SOS2: variants seen among roughly 807,000 people sequenced by gnomAD.
SOS2 encodes son of sevenless homolog 2.
In SOS2, 65 loss-of-function variants were observed where a neutral mutation model predicts 148.2. The observed-to-expected ratio is 0.44, with a 90% CI of 0.36 to 0.54. The LOEUF (loss-of-function observed/expected upper bound fraction) is 0.54, where lower values mean the gene tolerates loss of function less well. Ranked by LOEUF, SOS2 falls within the 20% of genes least tolerant of loss-of-function variation. SOS2 has a pLI of 0.00. For missense variants in SOS2, 1,341 were observed against 1,590.2 expected (o/e 0.84, Z 2.67); for synonymous variants, 539 against 537.1 (o/e 1.00, Z -0.05).
intron 17 of SOS2, 98 bp from the exon 18 acceptor site, chr14:50,138,882 A>T: frequency 2.0e-6 from 1 of 488,672 alleles, no homozygotes; most frequent in South Asian, 3.9e-5. Flanking sequence ...AAGTTGAAAG[A>T]CATCCTATAC....
rs375347968 is a variant in SOS2 at position 50,226,082 on chromosome 14, T to C, written c.87+5115A>G. On this transcript the variant is annotated intron_variant, in intron 1 of 22. Transcript: ENST00000216373. ...TGTTTACTTCCTTATTGTCTGTCTC[T>C]CTGCCACAGCCACTTAGAACACAAG... is the stretch of plus-strand genomic sequence containing the variant. Among the ~76,000 whole-genome samples, 13 of 151,850 alleles carry C rather than the reference T, an allele frequency of 8.6e-5. No homozygotes were observed. The East Asian group carries it at 1.6e-3, about 18-fold the overall frequency.
At chr14:50,222,646 T>C (rs964998042) in intron 1 of SOS2, among the ~76,000 whole-genome samples, 1 of 152,128 alleles carries the variant, frequency 6.6e-6, no homozygotes, top group African/African-American at 2.4e-5. Context: ...ATTCAGCAAG[T>C]ACAAAAGTCC....
chr14:50,135,336 T>G (rs989752926), intron 18 of SOS2, among the ~76,000 whole-genome samples: 1 of 151,266 alleles, frequency 6.6e-6, no homozygotes, highest in Non-Finnish European at 1.5e-5. Flanking sequence ...AATTTTTGTC[T>G]TTATCAAAAA....
intron 7 of SOS2, among the ~76,000 whole-genome samples, chr14:50,179,360 T>C (rs1184861030): frequency 6.6e-6 from 1 of 152,078 alleles, no homozygotes; most frequent in Non-Finnish European, 1.5e-5. Context: ...TATTCAAACG[T>C]CAAGGGGTAA....
chr14:50,178,353 C>T (rs1316420161), intron 7 of SOS2, among the ~76,000 whole-genome samples: 3 of 152,252 alleles, frequency 2.0e-5, no homozygotes, highest in East Asian at 1.9e-4. Context: ...TTTTGGCTTC[C>T]GCCATGATCG....
intron 9 of SOS2, among the ~76,000 whole-genome samples, chr14:50,161,106 G>A (rs1206759549): frequency 4.0e-5 from 6 of 151,856 alleles, no homozygotes; most frequent in East Asian, 3.9e-4. Context: ...CAGTCTGGCC[G>A]ACGCGGTAAA....
At chr14:50,182,421 T>A in intron 6 of SOS2, 42 bp downstream of exon 6, 1 of 1,582,454 alleles carries the variant, frequency 6.3e-7, no homozygotes, top group Non-Finnish European at 8.7e-7. Flanking sequence ...TACTACAGCA[T>A]TTAGGGCTTT....
At chr14:50,206,497 T>C (rs370618140) in intron 1 of SOS2, among the ~76,000 whole-genome samples, 84 of 152,342 alleles carry the variant, frequency 5.5e-4, no homozygotes, top group African/African-American at 1.9e-3. Context: ...GTAAATGCTA[T>C]GTAATAGTGG....
At chr14:50,205,457 C>T (rs1014649228) in intron 1 of SOS2, among the ~76,000 whole-genome samples, 11 of 152,098 alleles carry the variant, frequency 7.2e-5, no homozygotes, top group Admixed American at 3.3e-4. Flanking sequence ...TTAAAACCCT[C>T]CCCACAAAAA....
intron 5 of SOS2, among the ~76,000 whole-genome samples, chr14:50,186,367 A>G (rs1039111480): frequency 1.1e-4 from 17 of 152,320 alleles, no homozygotes; most frequent in Admixed American, 1.0e-3. Flanking sequence ...GACAAAGATA[A>G]TATTAGCTGC....
At chr14:50,149,982 G>A in intron 14 of SOS2, 26 bp downstream of exon 14, 2 of 1,439,972 alleles carry the variant, frequency 1.4e-6, no homozygotes, top group South Asian at 1.1e-5. Flanking sequence ...TAAAAATAAA[G>A]CAAGACATTA....
Position 50,207,575 on chromosome 14 carries a change from A to G in SOS2, c.88-3166T>C, listed in dbSNP as rs557431826. On this transcript the variant is annotated intron_variant, in intron 1 of 22. Coordinates refer to ENST00000216373, the MANE Select transcript of SOS2 (RefSeq NM_006939.4). ...TCCAGAAAAAAAAAAAAGCCTAAGT[A>G]AAGTGTCACCTAACTAAATTCCATA... Among the ~76,000 whole-genome samples, 4 of 151,710 alleles carry G rather than the reference A, an allele frequency of 2.6e-5. No individual in the cohort carries two copies. In the East Asian group the frequency reaches 7.8e-4, roughly 29 times the overall value.
intron 7 of SOS2, among the ~76,000 whole-genome samples, chr14:50,175,309 T>C (rs183851614): frequency 0.021 from 3,164 of 151,974 alleles, 73 homozygotes; most frequent in Non-Finnish European, 0.026. Flanking sequence ...CAGATAGATA[T>C]GACATAACAT....
chr14:50,125,358 C>T (rs2018832), intron 21 of SOS2, among the ~76,000 whole-genome samples: 132,541 of 152,194 alleles, frequency 0.87, 57,811 homozygotes, highest in East Asian at 0.92. Flanking sequence ...GCCAACATCT[C>T]GATTTTGGAT....
At chr14:50,174,678 T>A in intron 7 of SOS2, 126 bp from the exon 8 acceptor site, 1 of 465,136 alleles carries the variant, frequency 2.1e-6, no homozygotes, top group South Asian at 5.4e-5. Context: ...ACAGAATGCA[T>A]ATTCTATATT....
Position 50,159,972 on chromosome 14 carries a change from C to G in SOS2, c.1311G>C (p.Gln437His), listed in dbSNP as rs1395334504. ...IDGWEGKDIG[Q>H]CCNEFIMEGP... ...CCTCCATAATGAATTCATTACAACA[C>G]TGTCCAATATCTTTGCCTTCCCATC... is the stretch of plus-strand genomic sequence containing the variant. Residue 437 changes from glutamine (Q) to histidine (H), a missense_variant, in exon 10 of 23, where the codon CAG becomes CAC. This residue lies in a region of SOS2 where 574 missense variants were observed against 711.1 expected (regional missense o/e 0.81). Transcript: ENST00000216373. The G allele has an allele frequency of 6.2e-7, 1 of 1,614,016 alleles. No individual in the cohort carries two copies. The highest frequency in any genetic ancestry group is 8.5e-7 in the Non-Finnish European group (1 of 1,180,006).
At chr14:50,196,022 G>A (rs554738215) in intron 4 of SOS2, among the ~76,000 whole-genome samples, 15 of 152,148 alleles carry the variant, frequency 9.9e-5, no homozygotes, top group South Asian at 4.1e-4. Flanking sequence ...GTGAGACTCC[G>A]TCTCAAAAAA....
chr14:50,143,626 G>C (rs559410420), intron 16 of SOS2, among the ~76,000 whole-genome samples: 3 of 152,096 alleles, frequency 2.0e-5, no homozygotes, highest in African/African-American at 7.2e-5. Context: ...ACTTTTAGTA[G>C]AGATGGGGTT....
At chr14:50,221,245 C>T (rs755341489) in intron 1 of SOS2, among the ~76,000 whole-genome samples, 126 of 151,892 alleles carry the variant, frequency 8.3e-4, no homozygotes, top group Non-Finnish European at 1.1e-3. Context: ...AAAATAATTG[C>T]TTTTTTTCCC....
Sources: gnomAD v4.1 joint callset for allele counts (sites outside exome capture counted in the v4.1 genomes callset) on GRCh38, gnomAD v4.1.1 for gene constraint, gnomAD v4.1.1 regional missense constraint, MANE v1.5 for transcripts, NCBI Gene and HGNC (gene_info 2026-07-23, HGNC 2026-07-21) for gene names.